Variants in PDE4D observed in about 807,000 individuals in gnomAD.
PDE4D encodes 3',5'-cyclic-AMP phosphodiesterase 4D.
In PDE4D, 24 loss-of-function variants were observed where a neutral mutation model predicts 87.4. The ratio of observed to expected loss-of-function variants is 0.27; its 90% confidence interval spans 0.20 to 0.39. The LOEUF (loss-of-function observed/expected upper bound fraction) is 0.39, where lower values mean the gene tolerates loss of function less well. Among genes scored for constraint, PDE4D ranks in the 10% least tolerant of loss-of-function variants. PDE4D has a pLI of 1.00. For missense variants in PDE4D, 714 were observed against 1,041.0 expected, an observed-to-expected ratio of 0.69 and a Z score of 4.32; for synonymous variants, 384 against 383.2, an observed-to-expected ratio of 1.00 and a Z score of -0.02.
intron 1 of PDE4D, among the ~76,000 whole-genome samples, chr5:59,789,356 G>A (rs1383730602): frequency 6.6e-6 from 1 of 152,228 alleles, no homozygotes; most frequent in Non-Finnish European, 1.5e-5. Context: ...TGCCTGGAAA[G>A]GCAATATGCG....
At position 59,379,677 on chromosome 5, in the gene PDE4D, T is replaced by C. The variant is rs115310314; in HGVS notation, c.456-163709A>G. ...ATATGAAAATTTATTTAAACATTAG[T>C]TCATGTGAAATACATAGAATATACC... On this transcript the variant is annotated intron_variant, in intron 1 of 14. Transcript: ENST00000340635. Among the ~76,000 whole-genome samples, 972 of 152,182 alleles carry C rather than the reference T, an allele frequency of 6.4e-3. 7 individuals are homozygous for C. Among genetic ancestry groups the C allele is most frequent in the Middle Eastern group, 0.014 (4 of 294 alleles).
chr5:59,419,905 G>A (rs1794206372), intron 1 of PDE4D, among the ~76,000 whole-genome samples: 2 of 152,128 alleles, frequency 1.3e-5, no homozygotes, highest in African/African-American at 4.8e-5. Context: ...AAGGCAAAAT[G>A]TTCACACTCA....
chr5:59,435,359 C>A (rs1287281780), intron 1 of PDE4D, among the ~76,000 whole-genome samples: 1 of 152,062 alleles, frequency 6.6e-6, no homozygotes, highest in Non-Finnish European at 1.5e-5. Flanking sequence ...TTTTGCTCTC[C>A]CTTCCTCTCC....
chr5:59,730,949 C>A (rs1012958887), intron 1 of PDE4D, among the ~76,000 whole-genome samples: 2 of 152,060 alleles, frequency 1.3e-5, no homozygotes, highest in African/African-American at 4.8e-5. Flanking sequence ...TGTTATATTG[C>A]TTTTTATATC....
At chr5:59,967,744 A>G (rs1444388917) in intron 3 of PDE4D, among the ~76,000 whole-genome samples, 1 of 152,146 alleles carries the variant, frequency 6.6e-6, no homozygotes, top group Non-Finnish European at 1.5e-5. Context: ...TCCCATTACC[A>G]GGTATATACT....
chr5:59,814,955 C>G (rs1768808025), intron 1 of PDE4D, among the ~76,000 whole-genome samples: 1 of 152,144 alleles, frequency 6.6e-6, no homozygotes, highest in Non-Finnish European at 1.5e-5. Context: ...TGGCTAAGAA[C>G]AGCACAGAGT....
At position 59,162,627 on chromosome 5, in the gene PDE4D, C is replaced by G. The variant is rs557316010; in HGVS notation, c.808+17968G>C. ...GCCAAGGCAGGAGAATCACTTGAGC[C>G]CAGGAGTGCAAGACTAGCCTGGGCA... On this transcript the variant is annotated intron_variant, in intron 5 of 14. Transcript: ENST00000340635. Among the ~76,000 whole-genome samples the G allele has an allele frequency of 8.6e-5, 13 of 151,376 alleles. No individual in the cohort carries two copies. In the South Asian group the frequency reaches 2.7e-3, roughly 32 times the overall value.
intron 1 of PDE4D, among the ~76,000 whole-genome samples, chr5:59,410,706 G>A (rs1195909901): frequency 6.6e-6 from 1 of 151,966 alleles, no homozygotes; most frequent in Non-Finnish European, 1.5e-5. Flanking sequence ...GTACTCCATT[G>A]TTTATAGGTA....
chr5:59,864,401 T>G lies in PDE4D; in HGVS notation c.455+28767A>C, dbSNP rs546363795. On this transcript the variant is annotated intron_variant, in intron 1 of 14. Transcript: ENST00000340635. ...GCATGTAAAAGAGATTTTCTGTGAA[T>G]TGACTCTAACAAATGCTTTTAAACA... Among the ~76,000 whole-genome samples, 5 of 152,324 alleles carry G rather than the reference T, an allele frequency of 3.3e-5. No individual in the cohort carries two copies. The South Asian group carries it at 8.3e-4, about 25-fold the overall frequency.
intron 1 of PDE4D, among the ~76,000 whole-genome samples, chr5:60,505,051 G>C (rs2150249639): frequency 6.6e-6 from 1 of 152,328 alleles, no homozygotes; most frequent in South Asian, 2.1e-4. Context: ...GTGCTTGATT[G>C]ATTATTCCTG....
At chr5:59,457,735 A>G (rs879881667) in intron 1 of PDE4D, among the ~76,000 whole-genome samples, 8 of 152,104 alleles carry the variant, frequency 5.3e-5, no homozygotes, top group Admixed American at 3.3e-4. Flanking sequence ...AAGTAAAAAT[A>G]CAAAATAAAA....
At chr5:60,072,025 C>A (rs904453466) in intron 2 of PDE4D, among the ~76,000 whole-genome samples, 1 of 151,986 alleles carries the variant, frequency 6.6e-6, no homozygotes, top group Non-Finnish European at 1.5e-5. Flanking sequence ...TATTCCCTTG[C>A]GTATACATCC....
chr5:60,521,464 T>C (rs899349796), intron 1 of PDE4D: 2 of 152,132 alleles, frequency 1.3e-5, no homozygotes, highest in African/African-American at 4.8e-5. Flanking sequence ...AAAAGCAGTA[T>C]GGTACTGGGA....
At chr5:59,978,391 A>G (rs1279565162) in intron 3 of PDE4D, among the ~76,000 whole-genome samples, 1 of 152,158 alleles carries the variant, frequency 6.6e-6, no homozygotes, top group African/African-American at 2.4e-5. Context: ...GAGGGGTTCA[A>G]GTGGAGAAAG....
intron 1 of PDE4D, among the ~76,000 whole-genome samples, chr5:59,482,894 A>T (rs1804513332): frequency 6.6e-6 from 1 of 152,148 alleles, no homozygotes; most frequent in Admixed American, 6.5e-5. Flanking sequence ...GGGTGCCCAG[A>T]TATTTAATTA....
chr5:59,805,148 G>A (rs1581189606), intron 1 of PDE4D, among the ~76,000 whole-genome samples: 1 of 152,188 alleles, frequency 6.6e-6, no homozygotes, highest in Non-Finnish European at 1.5e-5. Flanking sequence ...CAAAATGTAT[G>A]TAATGACCCT....
At chr5:60,102,102 T>G (rs1303800625) in intron 2 of PDE4D, among the ~76,000 whole-genome samples, 1 of 152,148 alleles carries the variant, frequency 6.6e-6, no homozygotes, top group East Asian at 1.9e-4. Context: ...AAATAATTAA[T>G]TTTTAGAATC....
intron 1 of PDE4D, among the ~76,000 whole-genome samples, chr5:59,763,058 G>T (rs1210899061): frequency 6.6e-6 from 1 of 151,196 alleles, no homozygotes; most frequent in Non-Finnish European, 1.5e-5. Flanking sequence ...CTCTGCGAAG[G>T]AAGAAGAATA....
intron 5 of PDE4D, among the ~76,000 whole-genome samples, chr5:59,151,074 C>G (rs912270922): frequency 6.6e-6 from 1 of 152,174 alleles, no homozygotes; most frequent in African/African-American, 2.4e-5. Context: ...CTTCTAAACC[C>G]TAGTCCACCT....
Sources: allele counts gnomAD v4.1 joint callset (sites outside exome capture counted in the v4.1 genomes callset), GRCh38; gene constraint gnomAD v4.1.1; transcripts MANE v1.5; gene names NCBI Gene and HGNC (gene_info 2026-07-23, HGNC 2026-07-21).